TBC1D30: variants seen among roughly 807,000 people sequenced by gnomAD.
TBC1D30 encodes TBC1 domain family member 30.
In TBC1D30, 31 loss-of-function variants were observed where a neutral mutation model predicts 63.2. The observed-to-expected ratio is 0.49, with a 90% CI of 0.37 to 0.66. The LOEUF (loss-of-function observed/expected upper bound fraction) is 0.66, where lower values mean the gene tolerates loss of function less well. Ranked by LOEUF, TBC1D30 falls within the 30% of genes least tolerant of loss-of-function variation. TBC1D30 has a pLI of 0.00. For missense variants in TBC1D30, 810 were observed against 953.6 expected, an observed-to-expected ratio of 0.85 and a Z score of 1.98; for synonymous variants, 307 against 361.5, an observed-to-expected ratio of 0.85 and a Z score of 1.71.
At chr12:64,820,353 A>C (rs1009174533), upstream of TBC1D30, among the ~76,000 whole-genome samples, 3 of 152,200 alleles carry the variant, frequency 2.0e-5, no homozygotes, top group Non-Finnish European at 4.4e-5. Context: ...CTGAAGATGC[A>C]GGGTATGCCG....
chr12:64,857,743 G>T (rs969105291), intron 8 of TBC1D30, among the ~76,000 whole-genome samples: 1 of 152,198 alleles, frequency 6.6e-6, no homozygotes, highest in East Asian at 1.9e-4. Flanking sequence ...CTGCACTGGC[G>T]AGGCTTGCTG....
chr12:64,877,092 G>C lies in TBC1D30; in HGVS notation c.*1304G>C, dbSNP rs1278344427. ...AAATCCCTCCTGACTCAAAGGACCT[G>C]TCTCCAGATGGTACAGAGTCCCTTG... is the stretch of plus-strand genomic sequence containing the variant. On this transcript the variant is annotated 3_prime_UTR_variant, in exon 12 of 12. Coordinates refer to ENST00000539867, the MANE Select transcript of TBC1D30 (RefSeq NM_015279.2). 1 of 354,570 alleles carries C rather than the reference G, an allele frequency of 2.8e-6. No individual in the cohort carries two copies. Among genetic ancestry groups the C allele is most frequent in the East Asian group, 7.4e-5 (1 of 13,510 alleles). The allele number at this position is 354,570 out of a possible 1,614,324, so 22.0% of individuals were successfully genotyped here.
chr12:64,838,611 C>A, intron 6 of TBC1D30, 72 bp from the exon 7 acceptor site: 1 of 1,425,374 alleles, frequency 7.0e-7, no homozygotes, highest in South Asian at 1.3e-5. Context: ...ACATGGAAGA[C>A]TAGAAAAGGG....
chr12:64,841,703 T>G (rs984325689), intron 7 of TBC1D30, among the ~76,000 whole-genome samples: 1 of 152,246 alleles, frequency 6.6e-6, no homozygotes, highest in Non-Finnish European at 1.5e-5. Context: ...TGCTGTCTCC[T>G]GCATCTGTGT....
chr12:64,813,432 A>G (rs1873339607), intron 2 of TBC1D30, among the ~76,000 whole-genome samples: 1 of 152,118 alleles, frequency 6.6e-6, no homozygotes, highest in South Asian at 2.1e-4. Context: ...ACCCCTATGA[A>G]ATAGGCACTT....
chr12:64,821,950 A>C (rs1453983225), upstream of TBC1D30, among the ~76,000 whole-genome samples: 1 of 152,194 alleles, frequency 6.6e-6, no homozygotes, highest in Non-Finnish European at 1.5e-5. Context: ...TACCTCTGCC[A>C]GGCAGCTACA....
At chr12:64,835,115 C>G (rs1019485779) in intron 5 of TBC1D30, among the ~76,000 whole-genome samples, 1 of 152,146 alleles carries the variant, frequency 6.6e-6, no homozygotes, top group Admixed American at 6.6e-5. Flanking sequence ...CCCAGAACCT[C>G]CTCTTCCCGC....
intron 2 of TBC1D30, 39 bp from the exon 3 acceptor site, chr12:64,828,405 C>T (rs1874550738): frequency 6.9e-7 from 1 of 1,444,402 alleles, no homozygotes. Context: ...TTATCTAGGT[C>T]ACTGTGATCA....
chr12:64,844,181 T>C (rs927504971), intron 8 of TBC1D30, among the ~76,000 whole-genome samples: 1 of 152,190 alleles, frequency 6.6e-6, no homozygotes, highest in Non-Finnish European at 1.5e-5. Flanking sequence ...TTTGATTCAT[T>C]TGTTTTGCCC....
chr12:64,824,864 C>G lies in TBC1D30; in HGVS notation c.-16C>G. On this transcript the variant is annotated 5_prime_UTR_variant, in exon 1 of 12. Transcript: ENST00000539867. ...GAGACGGACGGTAGCCGTGCCAGAG[C>G]CCGGGGCGCTCTCGGATGCGGCAGG... 3.9e-6 allele frequency: 6 copies of G among 1,531,530 alleles called. No homozygotes were observed. Among genetic ancestry groups the G allele is most frequent in the Non-Finnish European group, 5.2e-6 (6 of 1,145,286 alleles). The allele number at this position is 1,531,530 out of a possible 1,614,324, so 94.9% of individuals were successfully genotyped here.
At chr12:64,831,413 G>A (rs1157261648) in intron 4 of TBC1D30, among the ~76,000 whole-genome samples, 1 of 152,074 alleles carries the variant, frequency 6.6e-6, no homozygotes, top group Non-Finnish European at 1.5e-5. Context: ...TTTCCTTTTT[G>A]TCTAACTGGT....
rs759716069 is a variant in TBC1D30 at position 64,864,766 on chromosome 12, C to T, written c.1137C>T (p.Pro379=). Residue 379 remains proline, a synonymous_variant, in exon 9 of 12, where the codon CCC becomes CCT. Transcript: ENST00000539867. ...CACCGTTCCCAGCCACAGTTAAACC[C>T]ACCTCAGTTTCTGGGTAAGGTTTTT... ...NITPFPATVK[P]TSVSGRHSKA... 3 of 1,535,376 alleles carry T rather than the reference C, an allele frequency of 2.0e-6. No homozygotes were observed. The highest frequency in any genetic ancestry group is 1.7e-4 in the Middle Eastern group (1 of 5,986).
At chr12:64,841,124 G>A (rs1268402988) in intron 7 of TBC1D30, among the ~76,000 whole-genome samples, 1 of 152,142 alleles carries the variant, frequency 6.6e-6, no homozygotes, top group Non-Finnish European at 1.5e-5. Flanking sequence ...TGATTCTAGT[G>A]CCTGTAATCT....
intron 8 of TBC1D30, among the ~76,000 whole-genome samples, chr12:64,863,504 C>T (rs961736989): frequency 4.6e-5 from 7 of 152,192 alleles, no homozygotes; most frequent in African/African-American, 1.7e-4. Flanking sequence ...ATTATGTTTG[C>T]AGTCCCTATA....
upstream of TBC1D30, among the ~76,000 whole-genome samples, chr12:64,776,456 A>G (rs1871084142): frequency 6.6e-6 from 1 of 152,190 alleles, no homozygotes; most frequent in Non-Finnish European, 1.5e-5. Context: ...AATACAAGCA[A>G]CCATCATAGA....
chr12:64,789,789 C>T (rs1287181703), intron 2 of TBC1D30, among the ~76,000 whole-genome samples: 2 of 151,866 alleles, frequency 1.3e-5, no homozygotes, highest in Non-Finnish European at 2.9e-5. Flanking sequence ...TTTTTTTCCC[C>T]TATATTTAAC....
At chr12:64,822,829 C>T (rs1198903729), upstream of TBC1D30, among the ~76,000 whole-genome samples, 2 of 152,108 alleles carry the variant, frequency 1.3e-5, no homozygotes, top group African/African-American at 4.8e-5. Flanking sequence ...AATTGTGAAA[C>T]ATTTCCTTTC....
intron 8 of TBC1D30, among the ~76,000 whole-genome samples, chr12:64,863,736 C>G (rs1877982926): frequency 6.6e-6 from 1 of 152,218 alleles, no homozygotes. Context: ...AAACTCCTTT[C>G]ACAGCCTTCC....
rs1879273759 is a variant in TBC1D30 at position 64,878,897 on chromosome 12, A to T, written c.*3109A>T. On this transcript the variant is annotated 3_prime_UTR_variant, in exon 12 of 12. Transcript: ENST00000539867. ...GAGTTTACCTAAAATTAACCTTTAGATCTACTATTTATTTTTGTCTTAATA... is the reference window on the plus strand; with the variant it reads ...GAGTTTACCTAAAATTAACCTTTAGTTCTACTATTTATTTTTGTCTTAATA... The T allele has an allele frequency of 5.9e-6, 1 of 170,784 alleles. No individual in the cohort carries two copies. The highest frequency in any genetic ancestry group is 1.5e-4 in the East Asian group (1 of 6,506). 10.6% of individuals were successfully genotyped at this position (170,784 alleles called of 1,614,324 possible).
Sources: gnomAD v4.1 joint callset for allele counts (sites outside exome capture counted in the v4.1 genomes callset) on GRCh38, gnomAD v4.1.1 for gene constraint, MANE v1.5 for transcripts, NCBI Gene and HGNC (gene_info 2026-07-23, HGNC 2026-07-21) for gene names.